The following BLTP1 variants were observed in gnomAD, a reference collection of about 807,000 sequenced individuals.
The protein encoded by BLTP1 is bridge-like lipid transfer protein family member 1, also known as fragile site-associated protein.
chr4:122,293,922 T>C, the BLTP1 span, among the ~76,000 whole-genome samples: 1 of 152,158 alleles, frequency 6.6e-6, no homozygotes, highest in African/African-American at 2.4e-5. Flanking sequence ...AGGAGTTCCC[T>C]ACAAGACAGC....
chr4:122,325,230 T>G, the BLTP1 span: 75 of 1,599,676 alleles, frequency 4.7e-5, no homozygotes, highest in Non-Finnish European at 2.4e-5. Flanking sequence ...TTACTTGCAG[T>G]TCTCGAGTAG....
At chr4:122,249,007 T>C in the BLTP1 span, 22 of 939,830 alleles carry the variant, frequency 2.3e-5, no homozygotes, top group East Asian at 2.2e-3. Context: ...CCACAGTGTA[T>C]CTGTAAGCAG....
the BLTP1 span, chr4:122,176,025 G>C: frequency 3.4e-5 from 21 of 616,548 alleles, no homozygotes; most frequent in Non-Finnish European, 5.9e-5. Context: ...TTTTAGGCCA[G>C]TCACGGTGGC....
At chr4:122,197,794 A>T in the BLTP1 span, among the ~76,000 whole-genome samples, 4 of 152,134 alleles carry the variant, frequency 2.6e-5, no homozygotes, top group Non-Finnish European at 5.9e-5. Flanking sequence ...CTTTAGTTTC[A>T]TCTGAGCTGA....
the BLTP1 span, among the ~76,000 whole-genome samples, chr4:122,320,634 T>C: frequency 6.6e-6 from 1 of 152,176 alleles, no homozygotes; most frequent in East Asian, 1.9e-4. Flanking sequence ...TAGGATGGTA[T>C]ATTTTTCTCA....
the BLTP1 span, chr4:122,204,922 T>C: frequency 2.0e-6 from 1 of 498,946 alleles, no homozygotes; most frequent in Non-Finnish European, 2.6e-6. Context: ...TGGAATTTTC[T>C]GTTGTCTATT....
chr4:122,318,279 T>C, the BLTP1 span: 2 of 1,606,980 alleles, frequency 1.2e-6, no homozygotes, highest in Admixed American at 1.7e-5. Context: ...GGGTGAGTTC[T>C]CTTTTTTCTT....
chr4:122,344,142 C>T, the BLTP1 span: 1 of 412,666 alleles, frequency 2.4e-6, no homozygotes, highest in Non-Finnish European at 3.3e-6. Flanking sequence ...CACGTCAATT[C>T]TAGTTTCTAT....
the BLTP1 span, among the ~76,000 whole-genome samples, chr4:122,162,253 T>C: frequency 6.6e-6 from 1 of 152,342 alleles, no homozygotes; most frequent in Non-Finnish European, 1.5e-5. Flanking sequence ...AAATATACTT[T>C]CCCATGACAG....
the BLTP1 span, chr4:122,187,559 G>A: frequency 4.5e-6 from 7 of 1,539,906 alleles, no homozygotes; most frequent in Non-Finnish European, 4.4e-6. Context: ...TAGTAATGTA[G>A]AACTTTTAAT....
chr4:122,241,791 T>A, the BLTP1 span, among the ~76,000 whole-genome samples: 1 of 152,238 alleles, frequency 6.6e-6, no homozygotes, highest in African/African-American at 2.4e-5. Flanking sequence ...AATTTTCCAG[T>A]GTAAAACTGA....
the BLTP1 span, among the ~76,000 whole-genome samples, chr4:122,343,050 T>C: frequency 1.3e-5 from 2 of 152,212 alleles, no homozygotes; most frequent in Non-Finnish European, 2.9e-5. Flanking sequence ...TGGATTTTTT[T>C]ACAGTATGTT....
the BLTP1 span, among the ~76,000 whole-genome samples, chr4:122,329,451 C>T: frequency 2.0e-5 from 3 of 151,110 alleles, no homozygotes; most frequent in African/African-American, 7.3e-5. Context: ...TGCGTCTTTT[C>T]TAACAATTTT....
At chr4:122,289,689 T>C in the BLTP1 span, 122 of 964,842 alleles carry the variant, frequency 1.3e-4, no homozygotes, top group African/African-American at 1.8e-3. Flanking sequence ...GGGTGAAAAG[T>C]TGACTGTATA....
chr4:122,281,201 C>T, the BLTP1 span: 1 of 533,874 alleles, frequency 1.9e-6, no homozygotes, highest in African/African-American at 2.1e-5. Context: ...GTAGTAATGT[C>T]AATAATATCA....
chr4:122,186,376 A>T, the BLTP1 span, among the ~76,000 whole-genome samples: 7 of 152,132 alleles, frequency 4.6e-5, no homozygotes, highest in East Asian at 1.2e-3. Context: ...TAATTATTTT[A>T]GAAATTGAGA....
the BLTP1 span, chr4:122,289,728 A>G: frequency 4.2e-6 from 4 of 952,934 alleles, no homozygotes; most frequent in Non-Finnish European, 5.0e-6. Context: ...TATTTTTTGT[A>G]TGAATGTTAT....
At chr4:122,263,415 T>C in the BLTP1 span, 2 of 1,556,292 alleles carry the variant, frequency 1.3e-6, no homozygotes, top group Non-Finnish European at 1.7e-6. Flanking sequence ...ATAAATAATA[T>C]TATACTCAGA....
the BLTP1 span, chr4:122,306,411 C>T: frequency 1.4e-5 from 3 of 210,666 alleles, no homozygotes; most frequent in Admixed American, 6.5e-5. Context: ...CAAAAATAAA[C>T]AACAGTATCC....
Sources: allele counts gnomAD v4.1 joint callset (sites outside exome capture counted in the v4.1 genomes callset), GRCh38; gene constraint gnomAD v4.1.1; transcripts MANE v1.5; gene names NCBI Gene and HGNC (gene_info 2026-07-23, HGNC 2026-07-21).